NLGN1: variants seen among roughly 807,000 people sequenced by gnomAD.
NLGN1 encodes the protein neuroligin-1.
A neutral mutation model predicts 65.5 loss-of-function variants in NLGN1; 12 were observed. The ratio of observed to expected loss-of-function variants is 0.18; its 90% CI spans 0.12 to 0.30. The LOEUF is 0.30. Ranked by LOEUF, NLGN1 falls within the 10% of genes least tolerant of loss-of-function variation. NLGN1 has a pLI of 1.00. For missense variants in NLGN1, 750 were observed against 1,007.1 expected, an observed-to-expected ratio of 0.74 and a Z score of 3.46; for synonymous variants, 350 against 359.5, an observed-to-expected ratio of 0.97 and a Z score of 0.30.
intron 4 of NLGN1, among the ~76,000 whole-genome samples, chr3:173,901,508 G>C (rs1337087620): frequency 6.6e-6 from 1 of 151,748 alleles, no homozygotes; most frequent in African/African-American, 2.4e-5. Flanking sequence ...CCACTAAAGA[G>C]TATTTCTTAT....
At chr3:173,787,779 G>T (rs1386526169) in intron 3 of NLGN1, among the ~76,000 whole-genome samples, 1 of 152,170 alleles carries the variant, frequency 6.6e-6, no homozygotes, top group Non-Finnish European at 1.5e-5. Context: ...AAGATAGAAG[G>T]TAGGCTTTCA....
At chr3:173,582,976 G>T (rs1313249684) in intron 2 of NLGN1, among the ~76,000 whole-genome samples, 2 of 152,088 alleles carry the variant, frequency 1.3e-5, no homozygotes, top group East Asian at 3.9e-4. Flanking sequence ...CTAATTCAGT[G>T]TCTGAATATG....
chr3:174,115,808 G>A (rs1286892186), intron 4 of NLGN1, among the ~76,000 whole-genome samples: 2 of 152,126 alleles, frequency 1.3e-5, no homozygotes, highest in Non-Finnish European at 2.9e-5. Context: ...CTCAAAAAAT[G>A]TCATTTAACT....
At chr3:173,741,787 T>C (rs1358682257) in intron 3 of NLGN1, among the ~76,000 whole-genome samples, 1 of 152,046 alleles carries the variant, frequency 6.6e-6, no homozygotes, top group Non-Finnish European at 1.5e-5. Context: ...GCCACTGTGC[T>C]CAACCATGCT....
At chr3:173,810,970 G>A (rs932834156) in intron 4 of NLGN1, among the ~76,000 whole-genome samples, 1 of 152,174 alleles carries the variant, frequency 6.6e-6, no homozygotes, top group Admixed American at 6.5e-5. Context: ...TTGACAAAGA[G>A]GGAAGGGAAT....
chr3:174,078,520 C>T (rs774525014), intron 4 of NLGN1, among the ~76,000 whole-genome samples: 3 of 151,946 alleles, frequency 2.0e-5, no homozygotes, highest in Non-Finnish European at 4.4e-5. Context: ...ATTTCTTACA[C>T]AAAAGTATAT....
At chr3:173,738,202 C>T (rs1560269629) in intron 3 of NLGN1, among the ~76,000 whole-genome samples, 1 of 151,632 alleles carries the variant, frequency 6.6e-6, no homozygotes, top group Non-Finnish European at 1.5e-5. Context: ...TATGTGTAGT[C>T]TTTTCATTTT....
At chr3:174,067,770 A>G (rs542072160) in intron 4 of NLGN1, among the ~76,000 whole-genome samples, 1 of 152,300 alleles carries the variant, frequency 6.6e-6, no homozygotes, top group East Asian at 1.9e-4. Flanking sequence ...AAATGGAATG[A>G]TCAGATTCAA....
At chr3:173,649,244 G>A (rs1758756383) in intron 3 of NLGN1, among the ~76,000 whole-genome samples, 1 of 152,070 alleles carries the variant, frequency 6.6e-6, no homozygotes, top group Non-Finnish European at 1.5e-5. Context: ...CACTGGGGAA[G>A]AGAGAGAGGG....
intron 3 of NLGN1, among the ~76,000 whole-genome samples, chr3:173,781,144 C>A (rs868541794): frequency 7.1e-4 from 57 of 80,380 alleles, no homozygotes; most frequent in Admixed American, 7.6e-4. Flanking sequence ...GACTCCGTCT[C>A]AAAAAAAAAA....
chr3:174,102,517 C>G (rs771776547), intron 4 of NLGN1, among the ~76,000 whole-genome samples: 1 of 152,182 alleles, frequency 6.6e-6, no homozygotes, highest in East Asian at 1.9e-4. Context: ...GCAAACACCT[C>G]TTTCCAAGTG....
intron 3 of NLGN1, among the ~76,000 whole-genome samples, chr3:173,658,452 A>T (rs1389434066): frequency 6.6e-6 from 1 of 151,994 alleles, no homozygotes; most frequent in Non-Finnish European, 1.5e-5. Context: ...CAATAATCCG[A>T]ATTTGTTCCA....
intron 1 of NLGN1, among the ~76,000 whole-genome samples, chr3:173,427,003 A>G (rs1716233765): frequency 6.6e-6 from 1 of 152,004 alleles, no homozygotes; most frequent in Non-Finnish European, 1.5e-5. Flanking sequence ...CAACCTCATT[A>G]CTTAATGGGC....
At chr3:173,966,701 TTAGAAA>T (rs1384966273) in intron 4 of NLGN1, among the ~76,000 whole-genome samples, 1 of 152,166 alleles carries the variant, frequency 6.6e-6, no homozygotes, top group African/African-American at 2.4e-5. Flanking sequence ...TCTGACATAT[TTAGAAA>T]TACCAAAGTT....
intron 2 of NLGN1, among the ~76,000 whole-genome samples, chr3:173,491,112 C>T (rs1160788357): frequency 2.6e-5 from 4 of 151,862 alleles, no homozygotes; most frequent in Non-Finnish European, 5.9e-5. Context: ...ATTGCCGTGG[C>T]CAGAACTTCC....
At chr3:173,447,475 G>T (rs1208699269) in intron 2 of NLGN1, among the ~76,000 whole-genome samples, 1 of 152,184 alleles carries the variant, frequency 6.6e-6, no homozygotes, top group Non-Finnish European at 1.5e-5. Flanking sequence ...TAGCCTTGTA[G>T]TATAGTTTGA....
chr3:173,907,973 G>A (rs931612564), intron 4 of NLGN1, among the ~76,000 whole-genome samples: 9 of 152,202 alleles, frequency 5.9e-5, no homozygotes, highest in Admixed American at 5.9e-4. Flanking sequence ...ACATGCCTCG[G>A]CCTCCCAAAG....
At chr3:173,410,844 G>A (rs939146329) in intron 1 of NLGN1, among the ~76,000 whole-genome samples, 3 of 152,158 alleles carry the variant, frequency 2.0e-5, no homozygotes, top group Admixed American at 2.0e-4. Context: ...TTTCAATTCT[G>A]ATTTTTAAAC....
At chr3:173,615,446 C>T (rs569126963) in intron 3 of NLGN1, among the ~76,000 whole-genome samples, 10 of 151,836 alleles carry the variant, frequency 6.6e-5, no homozygotes, top group South Asian at 2.1e-4. Context: ...TGTTGATGTC[C>T]GTGTCAATAT....
Sources: allele counts gnomAD v4.1 joint callset (sites outside exome capture counted in the v4.1 genomes callset), GRCh38; gene constraint gnomAD v4.1.1; transcripts MANE v1.5; gene names NCBI Gene and HGNC (gene_info 2026-07-23, HGNC 2026-07-21).